SALL4: variants seen among roughly 807,000 people sequenced by gnomAD.
The protein encoded by SALL4 is sal-like protein 4.
In SALL4, 4 loss-of-function variants were observed where a neutral mutation model predicts 60.8. The observed-to-expected ratio is 0.07, with a 90% CI of 0.03 to 0.15. The LOEUF is 0.15. SALL4 is among the 10% of genes least tolerant of loss of function. The pLI is 1.00. For missense variants in SALL4, 1,178 were observed against 1,394.7 expected, an observed-to-expected ratio of 0.84 and a Z score of 2.48; for synonymous variants, 580 against 574.9, an observed-to-expected ratio of 1.01 and a Z score of -0.13.
intron 1 of SALL4, among the ~76,000 whole-genome samples, chr20:51,795,131 C>T (rs980982508): frequency 4.6e-5 from 7 of 152,264 alleles, no homozygotes; most frequent in African/African-American, 7.2e-5. Context: ...AATACTGCTG[C>T]GAATCTGCCT....
In SALL4 at chr20:51,782,671, G is replaced by A. The variant is rs1218995501; in HGVS notation, c.*1594C>T. 3 of 151,880 alleles carry A rather than the reference G, an allele frequency of 2.0e-5. No homozygotes were observed. The highest frequency in any genetic ancestry group is 7.3e-5 in the African/African-American group (3 of 41,342). The allele number at this position is 151,880 out of a possible 1,614,324, so 9.4% of individuals were successfully genotyped here. A position where few individuals can be genotyped will look rare whatever the true frequency, so the allele number is the denominator to read the frequency against. On this transcript the variant is annotated 3_prime_UTR_variant, in exon 4 of 4. Coordinates refer to ENST00000217086, the MANE Select transcript of SALL4 (RefSeq NM_020436.5). ...TTTCCGTCAGGACCTTCCACATAGA[G>A]GGGAAAGACTTTTCTCCCAGAAATT...
At chr20:51,789,985 C>A (rs1428774573) in intron 2 of SALL4, 37 bp downstream of exon 2, 1 of 1,613,546 alleles carries the variant, frequency 6.2e-7, no homozygotes, top group Admixed American at 1.7e-5. Flanking sequence ...GACCTTGAGC[C>A]CAAAATGGAC....
At chr20:51,796,027 T>C (rs995645357) in intron 1 of SALL4, among the ~76,000 whole-genome samples, 15 of 151,824 alleles carry the variant, frequency 9.9e-5, no homozygotes, top group Admixed American at 9.8e-4. Context: ...AAACTCTGTC[T>C]CTACTAAAAA....
chr20:51,791,366 G>A lies in SALL4; in HGVS notation c.1117C>T (p.Pro373Ser). 6.2e-7 allele frequency: 1 copy of A among 1,614,194 alleles called. No homozygotes were observed. Among genetic ancestry groups the A allele is most frequent in the Non-Finnish European group, 8.5e-7 (1 of 1,180,040 alleles). Reference protein sequence around the residue: ...PPNISAVDVKPKDEAALYKHK... With the variant: ...PPNISAVDVKSKDEAALYKHK... ...TTGTAGAGGGCCGCCTCGTCTTTGG[G>A]TTTGACATCCACCGCGGAGATGTTC... The change falls in exon 2 of 4, where the codon CCC (proline) becomes TCC (serine). Residue 373 changes from proline to serine, a missense_variant. Pro to Ser is a moderately conservative substitution (Grantham distance 74, BLOSUM62 -1). Transcript: ENST00000217086. The surrounding 1 kb of genome is among the most constrained non-coding windows in gnomAD (Gnocchi z 4.6).
chr20:51,796,236 G>GAAA (rs11480674), intron 1 of SALL4, among the ~76,000 whole-genome samples: 2 of 132,752 alleles, frequency 1.5e-5, no homozygotes, highest in Non-Finnish European at 3.3e-5. Context: ...GAAAAGAAAA[G>GAAA]AAAAAAAAAA....
At position 51,788,927 on chromosome 20, in the gene SALL4, G is replaced by A; in HGVS notation, c.2676C>T (p.His892=). 6.2e-7 allele frequency: 1 copy of A among 1,614,228 alleles called. No individual in the cohort carries two copies. The highest frequency in any genetic ancestry group is 8.5e-7 in the Non-Finnish European group (1 of 1,180,038). The change falls in exon 3 of 4, where the codon CAC becomes CAT. Residue 892 remains histidine (H), a synonymous_variant. Transcript: ENST00000217086. The surrounding 1 kb of genome is among the most constrained non-coding windows in gnomAD (Gnocchi z 4.1). ...TGCACACAAAAGGCTTCTCTCCAGT[G>A]TGAGTCCGCTCGTGGATCTGAAGAG... ...ASALQIHERT[H]TGEKPFVCNI...
chr20:51,801,946 A>G lies in SALL4; in HGVS notation c.130+333T>C, dbSNP rs2078112852. On this transcript the variant is annotated intron_variant, in intron 1 of 3. Transcript: ENST00000217086. This position sits in a 1 kb window ranked among gnomAD's most constrained non-coding sequence, Gnocchi z 5.2. ...GGGGGGGGGTAACACCAGTGAGGGG[A>G]GTGGAACCAATTAAGTGAGGGGCAG... 2.0e-5 allele frequency among the ~76,000 whole-genome samples: 3 copies of G among 148,786 alleles called. No individual in the cohort carries two copies. The highest frequency in any genetic ancestry group is 5.0e-5 in the African/African-American group (2 of 40,002).
In SALL4 at chr20:51,798,406, G is replaced by A. The variant is rs565805559; in HGVS notation, c.130+3873C>T. On this transcript the variant is annotated intron_variant, in intron 1 of 3. Transcript: ENST00000217086. ...ATGAGGGCAGGGGTTTTTGTCGCCTGTCTCCAGAGCCCCCCTGAACAAATC... is the reference window on the plus strand; with the variant it reads ...ATGAGGGCAGGGGTTTTTGTCGCCTATCTCCAGAGCCCCCCTGAACAAATC... Among the ~76,000 whole-genome samples, 108 of 144,256 alleles carry A rather than the reference G, an allele frequency of 7.5e-4. 1 individual carries two copies. Among genetic ancestry groups the A allele is most frequent in the African/African-American group, 2.7e-3 (106 of 39,424 alleles). The allele number at this position is 144,256 out of a possible 152,430, so 94.6% of individuals were successfully genotyped here.
Position 51,790,229 on chromosome 20 carries a change from C to T in SALL4, c.2254G>A (p.Gly752Ser), listed in dbSNP as rs535960309. Reference protein sequence around the residue: ...NLQRQGSRENGSVESDGLTND... With the variant: ...NLQRQGSRENSSVESDGLTND... Reference sequence around the variant, plus strand: ...GTCAAGCCATCGCTCTCCACGGAACCGTTTTCTCTGCTGCCCTGGCGCTGC... The same window carrying T: ...GTCAAGCCATCGCTCTCCACGGAACTGTTTTCTCTGCTGCCCTGGCGCTGC... The change falls in exon 2 of 4, where the codon GGT (glycine) becomes AGT (serine). Residue 752 changes from glycine to serine, a missense_variant. Around this residue, in one of 5 missense-constraint regions of SALL4, gnomAD observed 853 missense variants for 1,036.8 expected, o/e 0.82. Coordinates refer to ENST00000217086, the MANE Select transcript of SALL4 (RefSeq NM_020436.5). The surrounding 1 kb of genome is among the most constrained non-coding windows in gnomAD (Gnocchi z 5.5). 8.7e-6 allele frequency: 14 copies of T among 1,614,136 alleles called. No homozygotes were observed. The highest frequency in any genetic ancestry group is 4.4e-5 in the South Asian group (4 of 91,080).
Position 51,791,205 on chromosome 20 carries a change from C to T in SALL4, c.1278G>A (p.Lys426=), listed in dbSNP as rs563612128. The change falls in exon 2 of 4, where the codon AAG becomes AAA. Residue 426 remains lysine (K), a synonymous_variant. Transcript: ENST00000217086. This position sits in a 1 kb window ranked among gnomAD's most constrained non-coding sequence, Gnocchi z 4.6. ...CCTGGGGATGTCGGTGAAAGTGCAC[C>T]TTGAGGTTGCCCTTGGTGGTGAAGC... ...GHRFTTKGNL[K]VHFHRHPQVK... is the part of the protein sequence containing the mutation. 1.2e-6 allele frequency: 2 copies of T among 1,614,078 alleles called. No homozygotes were observed. The highest frequency in any genetic ancestry group is 2.2e-5 in the South Asian group (2 of 91,072).
At chr20:51,799,356 A>T (rs1013522400) in intron 1 of SALL4, among the ~76,000 whole-genome samples, 2 of 152,358 alleles carry the variant, frequency 1.3e-5, no homozygotes, top group African/African-American at 4.8e-5. Flanking sequence ...CCACAGTGGA[A>T]CGCGGATCCC....
intron 3 of SALL4, among the ~76,000 whole-genome samples, chr20:51,785,060 T>G (rs2077982259): frequency 6.6e-6 from 1 of 152,028 alleles, no homozygotes; most frequent in Non-Finnish European, 1.5e-5. Context: ...CCCAGCACTT[T>G]GGGAAGCTGA....
chr20:51,789,908 C>G, intron 2 of SALL4, 114 bp downstream of exon 2: 1 of 1,279,940 alleles, frequency 7.8e-7, no homozygotes, highest in Non-Finnish European at 1.1e-6. Context: ...AGCTAATTGC[C>G]CTATAGAAGG....
rs143818932 is a variant in SALL4 at position 51,791,196 on chromosome 20, A to C, written c.1287T>G (p.Phe429Leu). The C allele has an allele frequency of 1.1e-3, 1,813 of 1,614,090 alleles. 3 individuals carry two copies. The highest frequency in any genetic ancestry group is 2.1e-3 in the Middle Eastern group (13 of 6,058). Residue 429 changes from phenylalanine (F) to leucine (L), a missense_variant, in exon 2 of 4, where the codon TTT becomes TTG. Around this residue, in one of 5 missense-constraint regions of SALL4, gnomAD observed 853 missense variants for 1,036.8 expected, o/e 0.82. Coordinates refer to ENST00000217086, the MANE Select transcript of SALL4 (RefSeq NM_020436.5). This position sits in a 1 kb window ranked among gnomAD's most constrained non-coding sequence, Gnocchi z 4.6. ...TTGCCTTCACCTGGGGATGTCGGTG[A>C]AAGTGCACCTTGAGGTTGCCCTTGG... ...FTTKGNLKVHFHRHPQVKANP... is the reference protein window; with the variant it reads ...FTTKGNLKVHLHRHPQVKANP...
At chr20:51,785,086 TG>T (rs1475745887) in intron 3 of SALL4, among the ~76,000 whole-genome samples, 1 of 152,044 alleles carries the variant, frequency 6.6e-6, no homozygotes, top group Non-Finnish European at 1.5e-5. Context: ...GCAGATCACT[TG>T]AGGTCAGGAG....
At position 51,782,600 on chromosome 20, in the gene SALL4, G is replaced by C. The variant is rs542477049; in HGVS notation, c.*1665C>G. ...GGGGGGCGGAATCCTAAAGTCAGGT[G>C]CAACGATGAAGAGACAACACTTTGG... On this transcript the variant is annotated 3_prime_UTR_variant, in exon 4 of 4. Coordinates refer to ENST00000217086, the MANE Select transcript of SALL4 (RefSeq NM_020436.5). 6.7e-6 allele frequency: 1 copy of C among 150,058 alleles called. No homozygotes were observed. The highest frequency in any genetic ancestry group is 2.4e-5 in the African/African-American group (1 of 40,870). The allele number at this position is 150,058 out of a possible 1,614,324, so 9.3% of individuals were successfully genotyped here.
intron 2 of SALL4, 134 bp from the exon 3 acceptor site, chr20:51,789,275 A>C (rs2078017036): frequency 5.5e-6 from 5 of 910,134 alleles, no homozygotes; most frequent in African/African-American, 5.0e-5. Context: ...AGTAATTAAC[A>C]CCTTCCCCTT....
chr20:51,791,327 A>C lies in SALL4; in HGVS notation c.1156T>G (p.Tyr386Asp). Reference sequence around the variant, plus strand: ...TCAGTCCCAAAAACCTTGCTACAGTACTTACACTTGTGCTTGTAGAGGGCC... The same window carrying C: ...TCAGTCCCAAAAACCTTGCTACAGTCCTTACACTTGTGCTTGTAGAGGGCC... ...EAALYKHKCK[Y>D]CSKVFGTDSS... The change falls in exon 2 of 4, where the codon TAC (tyrosine) becomes GAC (aspartate). Residue 386 changes from tyrosine to aspartate, a missense_variant. Transcript: ENST00000217086. The surrounding 1 kb of genome is among the most constrained non-coding windows in gnomAD (Gnocchi z 4.6). 6.2e-7 allele frequency: 1 copy of C among 1,614,090 alleles called. No homozygotes were observed. Among genetic ancestry groups the C allele is most frequent in the Non-Finnish European group, 8.5e-7 (1 of 1,180,020 alleles).
At chr20:51,798,265 T>TA (rs758424129) in intron 1 of SALL4, among the ~76,000 whole-genome samples, 10 of 151,936 alleles carry the variant, frequency 6.6e-5, no homozygotes, top group Non-Finnish European at 1.3e-4. Flanking sequence ...AAAAAAAGAG[T>TA]AAATGGCTCA....
Sources: allele counts gnomAD v4.1 joint callset (sites outside exome capture counted in the v4.1 genomes callset), GRCh38; gene constraint gnomAD v4.1.1; regional missense constraint gnomAD v4.1.1; non-coding constraint Gnocchi (gnomAD v3.1); transcripts MANE v1.5; gene names NCBI Gene and HGNC (gene_info 2026-07-23, HGNC 2026-07-21).